The following COL11A1 variants were observed in gnomAD, a reference collection of about 807,000 sequenced individuals.
The protein encoded by COL11A1 is collagen type XI alpha 1 chain, also known as collagen alpha-1(XI) chain.
COL11A1 carries 74 observed loss-of-function variants against 265.2 expected under a neutral mutation model. The ratio of observed to expected loss-of-function variants is 0.28; its 90% CI spans 0.23 to 0.34. The LOEUF (loss-of-function observed/expected upper bound fraction) is 0.34. Among genes scored for constraint, COL11A1 ranks in the 10% least tolerant of loss-of-function variants. COL11A1 has a pLI of 1.00. For synonymous variants in COL11A1, 816 were observed against 727.6 expected (o/e 1.12, Z -1.96); for missense variants, 2,165 against 2,263.6 (o/e 0.96, Z 0.88).
At chr1:102,955,221 C>T (rs942444664) in intron 41 of COL11A1, among the ~76,000 whole-genome samples, 5 of 149,234 alleles carry the variant, frequency 3.4e-5, no homozygotes, top group Non-Finnish European at 7.4e-5. Context: ...AAGTAAAAGC[C>T]AAGGAAAAGA....
Position 103,022,750 on chromosome 1 carries a change from C to T in COL11A1, c.1237G>A (p.Glu413Lys). Residue 413 changes from glutamate to lysine, a missense_variant, in exon 8 of 67, where the codon GAA becomes AAA. Glu to Lys is a moderately conservative substitution (Grantham distance 56, BLOSUM62 1). Coordinates refer to ENST00000370096, the MANE Select transcript of COL11A1 (RefSeq NM_001854.4). ...PGVPAETDIT[E>K]TSINGHGAYG... The stretch of plus-strand genomic sequence containing the variant: ...GCATAGTATCAACTTACGCTTGTTT[C>T]TGTAATATCAGTTTCTGCTGGTACA... 6.2e-7 allele frequency: 1 copy of T among 1,613,578 alleles called. No individual in the cohort carries two copies. Among genetic ancestry groups the T allele is most frequent in the African/African-American group, 1.3e-5 (1 of 75,020 alleles).
intron 4 of COL11A1, among the ~76,000 whole-genome samples, chr1:103,048,931 G>A (rs568657691): frequency 6.1e-4 from 93 of 152,088 alleles, no homozygotes; most frequent in Admixed American, 1.8e-3. Context: ...CTTAATCCTG[G>A]GTTCTAGTTT....
chr1:103,004,739 C>T (rs1008844623), intron 18 of COL11A1, 78 bp from the exon 19 acceptor site: 2 of 1,245,248 alleles, frequency 1.6e-6, no homozygotes, highest in African/African-American at 3.0e-5. Context: ...GCTATCCAAA[C>T]CAAATAAAAC....
At chr1:103,007,648 A>G (rs1183544667) in intron 15 of COL11A1, among the ~76,000 whole-genome samples, 3 of 152,136 alleles carry the variant, frequency 2.0e-5, no homozygotes, top group Admixed American at 2.0e-4. Flanking sequence ...GCTTGAGCTC[A>G]GGAGTTTGAG....
chr1:103,006,024 G>T (rs938925255), intron 17 of COL11A1, 44 bp downstream of exon 17: 1 of 1,611,768 alleles, frequency 6.2e-7, no homozygotes, highest in East Asian at 2.2e-5. Flanking sequence ...TTTCCAGAGT[G>T]AACTGACACA....
chr1:102,944,559 A>G (rs1251740691), intron 42 of COL11A1, among the ~76,000 whole-genome samples: 2 of 152,144 alleles, frequency 1.3e-5, no homozygotes, highest in Non-Finnish European at 1.5e-5. Flanking sequence ...AATTACCAAC[A>G]AAACTCAGGC....
Position 102,995,918 on chromosome 1 carries a change from A to G in COL11A1, c.2296-10T>C. On this transcript the variant is annotated splice_polypyrimidine_tract_variant and intron_variant, in intron 27 of 66. Coordinates refer to ENST00000370096, the MANE Select transcript of COL11A1 (RefSeq NM_001854.4). The stretch of plus-strand genomic sequence containing the variant: ...TGACACCATCTGCTCCCTGTGGAAT[A>G]AATTAGAAGTATTAAGTGAATATAA... The G allele has an allele frequency of 6.2e-7, 1 of 1,612,328 alleles. No homozygotes were observed. Among genetic ancestry groups the G allele is most frequent in the Non-Finnish European group, 8.5e-7 (1 of 1,179,062 alleles).
intron 42 of COL11A1, among the ~76,000 whole-genome samples, chr1:102,941,991 T>A (rs1473056046): frequency 6.6e-6 from 1 of 152,202 alleles, no homozygotes; most frequent in Non-Finnish European, 1.5e-5. Context: ...AAGGCAAAAT[T>A]AAATTGTTAA....
chr1:102,941,082 T>C (rs1658670853), intron 42 of COL11A1, among the ~76,000 whole-genome samples: 1 of 152,178 alleles, frequency 6.6e-6, no homozygotes, highest in African/African-American at 2.4e-5. Context: ...TTTGATTGCA[T>C]TCAGAGGTCC....
intron 1 of COL11A1, among the ~76,000 whole-genome samples, chr1:103,106,174 TA>T (rs1179354000): frequency 5.9e-5 from 9 of 152,120 alleles, no homozygotes; most frequent in Non-Finnish European, 8.8e-5. Context: ...AATTTGATAT[TA>T]AAAAATATTC....
At chr1:103,073,985 C>G (rs1362134177) in intron 4 of COL11A1, among the ~76,000 whole-genome samples, 1 of 151,854 alleles carries the variant, frequency 6.6e-6, no homozygotes, top group East Asian at 1.9e-4. Context: ...AGAGTGCATC[C>G]TTTAATGGTG....
chr1:102,945,114 A>T (rs967738745), intron 42 of COL11A1, among the ~76,000 whole-genome samples: 1 of 152,150 alleles, frequency 6.6e-6, no homozygotes, highest in African/African-American at 2.4e-5. Flanking sequence ...TTGGAAACTT[A>T]ATTCCCAGTG....
chr1:103,001,374 A>G, intron 24 of COL11A1: 2 of 396,720 alleles, frequency 5.0e-6, no homozygotes, highest in East Asian at 7.2e-5. Flanking sequence ...GAAATGTGCT[A>G]TGACTACAGG....
chr1:102,988,729 C>A (rs1250735738), intron 29 of COL11A1, among the ~76,000 whole-genome samples: 1 of 151,958 alleles, frequency 6.6e-6, no homozygotes, highest in Non-Finnish European at 1.5e-5. Context: ...TTTTAATGCA[C>A]CTGTGTTATA....
chr1:103,073,349 C>T (rs888877766), intron 4 of COL11A1, among the ~76,000 whole-genome samples: 6 of 151,762 alleles, frequency 4.0e-5, no homozygotes, highest in African/African-American at 1.4e-4. Flanking sequence ...AATTCACATG[C>T]AACTTATGTT....
At chr1:103,072,428 A>G (rs1671666099) in intron 4 of COL11A1, among the ~76,000 whole-genome samples, 1 of 151,878 alleles carries the variant, frequency 6.6e-6, no homozygotes, top group African/African-American at 2.4e-5. Context: ...GTATTATCAT[A>G]TTATCTTCAT....
chr1:103,108,206 AC>A lies in COL11A1; in HGVS notation c.-29del. 1 of 1,595,224 alleles carries A rather than the reference AC, an allele frequency of 6.3e-7. No individual in the cohort carries two copies. The highest frequency in any genetic ancestry group is 1.1e-5 in the South Asian group (1 of 90,488). ...CCGAGCCCCGCACTCACAACTGTGA[AC>A]TCAACCCACGAAATTGCGACTGCAG... On this transcript the variant is annotated 5_prime_UTR_variant, in exon 1 of 67. Coordinates refer to ENST00000370096, the MANE Select transcript of COL11A1 (RefSeq NM_001854.4).
intron 4 of COL11A1, among the ~76,000 whole-genome samples, chr1:103,072,145 C>T (rs1356058919): frequency 6.6e-6 from 1 of 151,824 alleles, no homozygotes; most frequent in Non-Finnish European, 1.5e-5. Flanking sequence ...TTGTGGTGAG[C>T]ATATGATGAG....
intron 46 of COL11A1, among the ~76,000 whole-genome samples, chr1:102,933,532 C>T (rs1447582937): frequency 1.3e-5 from 2 of 152,144 alleles, no homozygotes; most frequent in Admixed American, 6.5e-5. Flanking sequence ...GCAGAGGTTA[C>T]TGTTGTCTTG....
Sources: gnomAD v4.1 joint callset for allele counts (sites outside exome capture counted in the v4.1 genomes callset) on GRCh38, gnomAD v4.1.1 for gene constraint, MANE v1.5 for transcripts, NCBI Gene and HGNC (gene_info 2026-07-23, HGNC 2026-07-21) for gene names.